MECOM: variants seen among roughly 807,000 people sequenced by gnomAD.
MECOM encodes histone-lysine N-methyltransferase MECOM.
A neutral mutation model predicts 116.3 loss-of-function variants in MECOM; 13 were observed. That is an observed-to-expected ratio of 0.11 (90% CI 0.07 to 0.18). The LOEUF is 0.18. Ranked by LOEUF, MECOM falls within the 10% of genes least tolerant of loss-of-function variation. The pLI is 1.00. For missense variants in MECOM, 1,299 were observed against 1,509.0 expected, an observed-to-expected ratio of 0.86 and a Z score of 2.31; for synonymous variants, 528 against 535.2, an observed-to-expected ratio of 0.99 and a Z score of 0.19.
chr3:169,109,944 CT>C (rs1726784539), intron 9 of MECOM, among the ~76,000 whole-genome samples: 1 of 152,122 alleles, frequency 6.6e-6, no homozygotes, highest in Admixed American at 6.6e-5. Context: ...AAGCATCCTT[CT>C]TTCTTTTCCC....
chr3:169,084,594 C>G lies in MECOM; in HGVS notation c.*315G>C. The G allele has an allele frequency of 6.4e-6, 2 of 313,006 alleles. No homozygotes were observed. Among genetic ancestry groups the G allele is most frequent in the South Asian group, 1.6e-4 (2 of 12,340 alleles). The allele number at this position is 313,006 out of a possible 1,614,324, so 19.4% of individuals were successfully genotyped here. A position where few individuals can be genotyped will look rare whatever the true frequency, so the allele number is the denominator to read the frequency against. On this transcript the variant is annotated 3_prime_UTR_variant, in exon 17 of 17. Transcript: ENST00000651503. Reference sequence around the variant, plus strand: ...CAACTGCCCTTCTCACCCACCCATACCCTAAGGTGGGGTAAACTGGAAGAT... The same window carrying G: ...CAACTGCCCTTCTCACCCACCCATAGCCTAAGGTGGGGTAAACTGGAAGAT...
At chr3:169,145,027 A>G in intron 2 of MECOM, 2 of 1,556,946 alleles carry the variant, frequency 1.3e-6, no homozygotes, top group Non-Finnish European at 1.7e-6. Flanking sequence ...CAGTGCTCCA[A>G]GGGCTTTAGT....
chr3:169,130,481 C>A (rs1482921245), intron 4 of MECOM, among the ~76,000 whole-genome samples: 2 of 151,318 alleles, frequency 1.3e-5, no homozygotes, highest in African/African-American at 2.4e-5. Flanking sequence ...AGCCCTCCCC[C>A]TCCCCCTGCA....
rs1372371559 is a variant in MECOM, at chr3:169,381,513, C to T, written c.49G>A (p.Val17Ile). The change falls in exon 2 of 17, where the codon GTA becomes ATA. Residue 17 changes from valine (V) to isoleucine (I), a missense_variant. Coordinates refer to ENST00000651503, the MANE Select transcript of MECOM (RefSeq NM_004991.4). ...GGTATTTCAGGGTAGTTGCCATATA[C>T]ACACTCATTATCTGTGAATAAATAA... ...ARKLATNNECVYGNYPEIPLE... is the reference protein window; with the variant it reads ...ARKLATNNECIYGNYPEIPLE... The T allele has an allele frequency of 6.2e-7, 1 of 1,602,974 alleles. No homozygotes were observed. The highest frequency in any genetic ancestry group is 1.1e-5 in the South Asian group (1 of 89,452).
At position 169,166,691 on chromosome 3, in the gene MECOM, A is replaced by C. The variant is rs549724850; in HGVS notation, c.376-22859T>G. ...ACAATAGGTATACTGTTTTATATCCAAAAGAGTAAACTAAGAGTTCAAACA... is the reference window on the plus strand; with the variant it reads ...ACAATAGGTATACTGTTTTATATCCCAAAGAGTAAACTAAGAGTTCAAACA... On this transcript the variant is annotated intron_variant, in intron 2 of 16. Transcript: ENST00000651503. Among the ~76,000 whole-genome samples the C allele has an allele frequency of 8.5e-5, 13 of 152,322 alleles. No homozygotes were observed. In the South Asian group the frequency reaches 2.7e-3, roughly 32 times the overall value.
At chr3:169,318,631 A>C (rs1032376275) in intron 2 of MECOM, among the ~76,000 whole-genome samples, 1 of 152,208 alleles carries the variant, frequency 6.6e-6, no homozygotes, top group Non-Finnish European at 1.5e-5. Flanking sequence ...GATGCTGGAG[A>C]GGATGTGGAT....
chr3:169,639,426 A>G (rs1000151342), intron 1 of MECOM, among the ~76,000 whole-genome samples: 69 of 152,350 alleles, frequency 4.5e-4, no homozygotes, highest in African/African-American at 1.5e-3. Flanking sequence ...AATATGAATA[A>G]CAAAGTATAT....
chr3:169,096,233 G>A (rs1474187942), intron 12 of MECOM, among the ~76,000 whole-genome samples: 2 of 148,156 alleles, frequency 1.3e-5, no homozygotes, highest in Admixed American at 6.7e-5. Flanking sequence ...TGGGGGGCAT[G>A]TTACTTGAAA....
At chr3:169,457,211 A>T (rs1746677530) in intron 1 of MECOM, among the ~76,000 whole-genome samples, 1 of 151,690 alleles carries the variant, frequency 6.6e-6, no homozygotes, top group African/African-American at 2.4e-5. Context: ...AAGGGCCAGA[A>T]TCTTCACTAA....
chr3:169,548,128 C>T (rs1175506754), intron 1 of MECOM, among the ~76,000 whole-genome samples: 1 of 152,050 alleles, frequency 6.6e-6, no homozygotes, highest in Non-Finnish European at 1.5e-5. Flanking sequence ...AGACCTTACT[C>T]AAGTCTTAAA....
chr3:169,140,602 GAGACGTCTA>G (rs1179381905), intron 3 of MECOM, among the ~76,000 whole-genome samples: 3 of 151,672 alleles, frequency 2.0e-5, no homozygotes, highest in African/African-American at 7.3e-5. Context: ...TGAAATGAAA[GAGACGTCTA>G]AAATCACAAA....
At chr3:169,094,871 C>G (rs1720984980) in intron 13 of MECOM, among the ~76,000 whole-genome samples, 1 of 152,118 alleles carries the variant, frequency 6.6e-6, no homozygotes, top group Non-Finnish European at 1.5e-5. Context: ...AAAACATAAT[C>G]CAAATAAGGC....
In MECOM at chr3:169,378,552, AAG is replaced by A. The variant is rs1446706607; in HGVS notation, c.375+2633_375+2634del. ...AAAGAAAGAAAGAAAGAAAGAAAGA[AAG>A]AAAGAAAGAAAGAAAGAAAGAAAGA... On this transcript the variant is annotated intron_variant, in intron 2 of 16. Transcript: ENST00000651503. 2.5e-4 allele frequency among the ~76,000 whole-genome samples: 34 copies of A among 138,002 alleles called. 5 individuals carry two copies. Among genetic ancestry groups the A allele is most frequent in the Non-Finnish European group, 4.3e-4 (27 of 62,858 alleles). The allele number at this position is 138,002 out of a possible 152,430, so 90.5% of individuals were successfully genotyped here.
At chr3:169,186,749 C>A (rs1746837146) in intron 2 of MECOM, among the ~76,000 whole-genome samples, 2 of 152,186 alleles carry the variant, frequency 1.3e-5, no homozygotes, top group East Asian at 1.9e-4. Context: ...TTGACTAAGT[C>A]ACTTAGTCTT....
At chr3:169,236,940 T>C (rs527443831) in intron 2 of MECOM, among the ~76,000 whole-genome samples, 20 of 152,358 alleles carry the variant, frequency 1.3e-4, no homozygotes, top group South Asian at 8.3e-4. Flanking sequence ...CTGTCATTTC[T>C]TTGGTTTCAC....
chr3:169,468,603 G>T (rs1202684079), intron 1 of MECOM, among the ~76,000 whole-genome samples: 2 of 152,056 alleles, frequency 1.3e-5, no homozygotes, highest in African/African-American at 4.8e-5. Flanking sequence ...GTAATAAAAA[G>T]GAATCCTTGC....
chr3:169,363,241 A>C (rs952775660), intron 2 of MECOM, among the ~76,000 whole-genome samples: 1 of 152,008 alleles, frequency 6.6e-6, no homozygotes, highest in Admixed American at 6.6e-5. Context: ...AAAAATTTCT[A>C]AACTTTAGGG....
At chr3:169,127,765 T>C (rs1577066607) in intron 5 of MECOM, 79 bp downstream of exon 5, 5 of 1,301,570 alleles carry the variant, frequency 3.8e-6, no homozygotes, top group East Asian at 2.3e-5. Flanking sequence ...AAATTTTCCA[T>C]CTGCACAAAG....
chr3:169,377,494 A>C (rs1228510558), intron 2 of MECOM, among the ~76,000 whole-genome samples: 1 of 152,210 alleles, frequency 6.6e-6, no homozygotes, highest in Non-Finnish European at 1.5e-5. Context: ...AAACAACCCC[A>C]TCAAAAAGTG....
Sources: gnomAD v4.1 joint callset for allele counts (sites outside exome capture counted in the v4.1 genomes callset) on GRCh38, gnomAD v4.1.1 for gene constraint, MANE v1.5 for transcripts, NCBI Gene and HGNC (gene_info 2026-07-23, HGNC 2026-07-21) for gene names.